TASOR: variants seen among roughly 807,000 people sequenced by gnomAD.
TASOR encodes the protein protein TASOR.
Under a neutral mutation model 178.6 loss-of-function variants are expected in TASOR, and 53 were observed. That is an observed-to-expected ratio of 0.30 (90% CI 0.24 to 0.37). The LOEUF is 0.37. TASOR is among the 10% of genes least tolerant of loss of function. The pLI is 1.00. For missense variants in TASOR, 1,815 were observed against 1,971.4 expected, an observed-to-expected ratio of 0.92 and a Z score of 1.50; for synonymous variants, 713 against 696.2, an observed-to-expected ratio of 1.02 and a Z score of -0.38.
rs1172344487 is a variant in TASOR at position 56,624,955 on chromosome 3, C to T, written c.4191G>A (p.Lys1397=). Residue 1397 remains lysine, a synonymous_variant, in exon 22 of 24, where the codon AAG becomes AAA. Transcript: ENST00000683822. ...ATGACAAAATTTCAACCAGATGTTTCTTCTGATAGACATTCAGAAGCGTCA... is the reference window on the plus strand; with the variant it reads ...ATGACAAAATTTCAACCAGATGTTTTTTCTGATAGACATTCAGAAGCGTCA... ...SLLTLLNVYQ[K]KHLVEILSYH... The T allele has an allele frequency of 6.2e-7, 1 of 1,614,032 alleles. No homozygotes were observed. Among genetic ancestry groups the T allele is most frequent in the African/African-American group, 1.3e-5 (1 of 74,936 alleles).
intron 23 of TASOR, 138 bp downstream of exon 23, chr3:56,624,341 T>A: frequency 1.3e-6 from 1 of 767,150 alleles, no homozygotes. Context: ...GAATGATAAA[T>A]GTCTTGAAAC....
rs748711144 is a variant in TASOR, at chr3:56,633,983, CATT to C, written c.2825-20_2825-18del. The C allele has an allele frequency of 8.7e-6, 13 of 1,497,668 alleles. No homozygotes were observed. The South Asian group carries it at 1.3e-4, about 15-fold the overall frequency. 92.8% of individuals were successfully genotyped at this position (1,497,668 alleles called of 1,614,324 possible). ...ATTTCATACCTATACAGGAAGAGTT[CATT>C]ATTATAAGAGCAATCCAAAAAGATA... On this transcript the variant is annotated intron_variant, in intron 17 of 23. Transcript: ENST00000683822.
Position 56,646,536 on chromosome 3 carries a change from C to A in TASOR, c.2201G>T (p.Cys734Phe). The A allele has an allele frequency of 6.2e-7, 1 of 1,602,954 alleles. No homozygotes were observed. Among genetic ancestry groups the A allele is most frequent in the Non-Finnish European group, 8.5e-7 (1 of 1,176,650 alleles). Residue 734 changes from cysteine to phenylalanine, a missense_variant, in exon 14 of 24, where the codon TGC (cysteine) becomes TTC (phenylalanine). This residue lies in a region of TASOR where 655 missense variants were observed against 671.1 expected (regional missense o/e 0.98). Transcript: ENST00000683822. ...LAKTSNLSEN[C>F]HLYEESPQPI... Reference sequence around the variant, plus strand: ...TGATATTTTACCTTCATACAGATGGCAATTTTCAGATAAATTACTGGTTTT... The same window carrying A: ...TGATATTTTACCTTCATACAGATGGAAATTTTCAGATAAATTACTGGTTTT...
intron 18 of TASOR, among the ~76,000 whole-genome samples, chr3:56,631,690 TCTC>T (rs2076918860): frequency 6.6e-6 from 1 of 151,020 alleles, no homozygotes; most frequent in African/African-American, 2.4e-5. Flanking sequence ...TTCACCCCAT[TCTC>T]CTGCCTCAGC....
chr3:56,673,389 G>A (rs973367135), intron 2 of TASOR, among the ~76,000 whole-genome samples, 191 bp downstream of exon 2: 2 of 129,026 alleles, frequency 1.6e-5, no homozygotes, highest in Admixed American at 9.8e-5. Flanking sequence ...CCGAGATCGC[G>A]CCACTGTACT....
chr3:56,648,631 C>CAAAAAAA lies in TASOR; in HGVS notation c.1513+184_1513+190dup, dbSNP rs56218279. On this transcript the variant is annotated intron_variant, in intron 13 of 23. Coordinates refer to ENST00000683822, the MANE Select transcript of TASOR (RefSeq NM_001365635.2). ...GGGCAAGAAGAGCAAAACTCTGTAT[C>CAAAAAAA]AAAAAAAAAAAAAAAAAAAAAAAAA... Among the ~76,000 whole-genome samples, 70 of 84,550 alleles carry CAAAAAAA rather than the reference C, an allele frequency of 8.3e-4. 1 individual carries two copies. The highest frequency in any genetic ancestry group is 2.3e-3 in the African/African-American group (57 of 25,294). 55.5% of individuals were successfully genotyped at this position (84,550 alleles called of 152,430 possible). A position where few individuals can be genotyped will look rare whatever the true frequency, so the allele number is the denominator to read the frequency against.
intron 9 of TASOR, among the ~76,000 whole-genome samples, chr3:56,662,118 G>A (rs1578267593): frequency 2.1e-5 from 3 of 141,854 alleles, no homozygotes; most frequent in East Asian, 2.1e-4. Context: ...TGACAAGAGC[G>A]AAACTCCGTC....
chr3:56,675,083 C>T (rs1321661152), intron 1 of TASOR, among the ~76,000 whole-genome samples: 1 of 152,088 alleles, frequency 6.6e-6, no homozygotes, highest in Non-Finnish European at 1.5e-5. Context: ...CCTCGGCCTC[C>T]CAAAGTGCTG....
chr3:56,635,281 G>A (rs1187275449), intron 17 of TASOR, among the ~76,000 whole-genome samples: 1 of 152,160 alleles, frequency 6.6e-6, no homozygotes, highest in East Asian at 1.9e-4. Flanking sequence ...GGAGGTGAGA[G>A]GGGAACAAAA....
Position 56,633,934 on chromosome 3 carries a change from C to T in TASOR, c.2857G>A (p.Val953Met), listed in dbSNP as rs1354444445. Residue 953 changes from valine to methionine, a missense_variant, in exon 18 of 24, where the codon GTG becomes ATG. Transcript: ENST00000683822. ...MKSPEEQLVCVPPQEAFPNDP... is the reference protein window; with the variant it reads ...MKSPEEQLVCMPPQEAFPNDP... Reference sequence around the variant, plus strand: ...TTAGGAAAGGCCTCCTGTGGTGGCACACACACCAGTTGTTCTTCTGGTGAT... The same window carrying T: ...TTAGGAAAGGCCTCCTGTGGTGGCATACACACCAGTTGTTCTTCTGGTGAT... 9 of 1,554,550 alleles carry T rather than the reference C, an allele frequency of 5.8e-6. No individual in the cohort carries two copies. Among genetic ancestry groups the T allele is most frequent in the Non-Finnish European group, 7.8e-6 (9 of 1,148,712 alleles).
intron 5 of TASOR, 124 bp from the exon 6 acceptor site, chr3:56,668,682 C>G: frequency 1.3e-6 from 1 of 758,634 alleles, no homozygotes; most frequent in Non-Finnish European, 2.0e-6. Flanking sequence ...CCTTTAATAT[C>G]TCACAGAACA....
rs2076717867 is a variant in TASOR, at chr3:56,622,873, A to G, written c.*164T>C. On this transcript the variant is annotated 3_prime_UTR_variant, in exon 24 of 24. Transcript: ENST00000683822. The stretch of plus-strand genomic sequence containing the variant: ...CAAGTACAATATATGTTAAAAATAT[A>G]TATTTATTTCAATTTTTAGATGCTT... 1 of 438,746 alleles carries G rather than the reference A, an allele frequency of 2.3e-6. No homozygotes were observed. Among genetic ancestry groups the G allele is most frequent in the Admixed American group, 4.1e-5 (1 of 24,522 alleles). 27.2% of individuals were successfully genotyped at this position (438,746 alleles called of 1,614,324 possible). A position where few individuals can be genotyped will look rare whatever the true frequency, so the allele number is the denominator to read the frequency against.
At chr3:56,660,860 A>G in intron 10 of TASOR, 26 bp from the exon 11 acceptor site, 1 of 1,609,756 alleles carries the variant, frequency 6.2e-7, no homozygotes, top group Non-Finnish European at 8.5e-7. Flanking sequence ...TACATAGTAA[A>G]TATCCAAATC....
chr3:56,682,963 G>C lies in TASOR; in HGVS notation c.44C>G (p.Ala15Gly). 6.5e-7 allele frequency: 1 copy of C among 1,549,274 alleles called. No homozygotes were observed. Among genetic ancestry groups the C allele is most frequent in the Non-Finnish European group, 8.7e-7 (1 of 1,146,254 alleles). Reference sequence around the variant, plus strand: ...TCCGCCGCCGCCACTTTCCCAACTCGCATCCGTCGGCTGACAGGCCTCCGT... The same window carrying C: ...TCCGCCGCCGCCACTTTCCCAACTCCCATCCGTCGGCTGACAGGCCTCCGT... ...VETEACQPTDASWESGGGGDD... is the reference protein window; with the variant it reads ...VETEACQPTDGSWESGGGGDD... Residue 15 changes from alanine (A) to glycine (G), a missense_variant, in exon 1 of 24, where the codon GCG (alanine) becomes GGG (glycine). By Grantham distance (60) the Ala-to-Gly change is moderately conservative (BLOSUM62 0). Transcript: ENST00000683822.
At chr3:56,670,940 CAAAAAAAAAAAA>C (rs11300845) in intron 3 of TASOR, among the ~76,000 whole-genome samples, 6,854 of 54,692 alleles carry the variant, frequency 0.13, 310 homozygotes, top group Middle Eastern at 0.29. Context: ...GACTCCATCT[CAAAAAAAAAAAA>C]AAAAAAAAAA....
Position 56,633,032 on chromosome 3 carries a change from T to C in TASOR, c.3747+12A>G. 1 of 1,539,974 alleles carries C rather than the reference T, an allele frequency of 6.5e-7. No individual in the cohort carries two copies. The highest frequency in any genetic ancestry group is 1.3e-5 in the South Asian group (1 of 77,840). ...TTTGTACAGCATTACTATTACCTTC[T>C]GGTTTAGTTACCTTTATTTCTTTAC... On this transcript the variant is annotated intron_variant, in intron 18 of 23. Transcript: ENST00000683822.
chr3:56,669,220 T>C (rs1032210448), intron 5 of TASOR, among the ~76,000 whole-genome samples: 7 of 151,820 alleles, frequency 4.6e-5, no homozygotes, highest in African/African-American at 1.5e-4. Context: ...AGATGGCAAA[T>C]AGGCCAGGCG....
intron 21 of TASOR, among the ~76,000 whole-genome samples, 163 bp downstream of exon 21, chr3:56,626,871 GCTT>G (rs10635617): frequency 6.6e-6 from 1 of 151,974 alleles, no homozygotes; most frequent in South Asian, 2.1e-4. Flanking sequence ...GAAAAATACT[GCTT>G]CTTATAAAGG....
intron 3 of TASOR, chr3:56,671,332 C>T (rs2030714306): frequency 7.7e-6 from 2 of 259,504 alleles, no homozygotes; most frequent in South Asian, 6.6e-5. Context: ...GAGCAAGACT[C>T]CATCTCAGAA....
Sources: allele counts gnomAD v4.1 joint callset (sites outside exome capture counted in the v4.1 genomes callset), GRCh38; gene constraint gnomAD v4.1.1; regional missense constraint gnomAD v4.1.1; transcripts MANE v1.5; gene names NCBI Gene and HGNC (gene_info 2026-07-23, HGNC 2026-07-21).